Variants in FHIT observed in about 807,000 individuals in gnomAD.
FHIT encodes the protein fragile histidine triad diadenosine triphosphatase.
A neutral mutation model predicts 17.9 loss-of-function variants in FHIT; 19 were observed. The ratio of observed to expected loss-of-function variants is 1.06; its 90% CI spans 0.74 to 1.56. The LOEUF (loss-of-function observed/expected upper bound fraction) is 1.56, where lower values mean the gene tolerates loss of function less well. Ranked by LOEUF, FHIT falls within the 40% of genes most tolerant of loss-of-function variation. The probability of loss-of-function intolerance (pLI) is 0.00; values close to 1 mark genes in which losing one functional copy is unlikely to be tolerated. For synonymous variants in FHIT, 81 were observed against 69.7 expected, an observed-to-expected ratio of 1.16 and a Z score of -0.81; for missense variants, 248 against 189.2, an observed-to-expected ratio of 1.31 and a Z score of -1.82.
intron 4 of FHIT, among the ~76,000 whole-genome samples, chr3:60,600,217 C>T (rs1208116939): frequency 6.6e-6 from 1 of 152,102 alleles, no homozygotes; most frequent in East Asian, 1.9e-4. Context: ...TTCTCTGGGA[C>T]TTGTTCTTTA....
At chr3:60,189,578 T>G (rs1702309727) in intron 5 of FHIT, among the ~76,000 whole-genome samples, 1 of 152,206 alleles carries the variant, frequency 6.6e-6, no homozygotes, top group African/African-American at 2.4e-5. Context: ...TTCCCTGCAT[T>G]TGCTATATTT....
intron 2 of FHIT, among the ~76,000 whole-genome samples, chr3:61,079,340 T>C (rs1376536334): frequency 6.6e-6 from 1 of 152,126 alleles, no homozygotes; most frequent in Non-Finnish European, 1.5e-5. Context: ...CATCTTCACT[T>C]TGAGGACACT....
intron 4 of FHIT, among the ~76,000 whole-genome samples, chr3:60,769,820 C>G (rs1466736320): frequency 6.6e-6 from 1 of 152,172 alleles, no homozygotes; most frequent in Non-Finnish European, 1.5e-5. Context: ...GTCTGTTAAG[C>G]TAGGTTACAG....
chr3:59,922,261 A>T (rs1412388909), intron 8 of FHIT, 85 bp downstream of exon 8: 18 of 1,136,944 alleles, frequency 1.6e-5, no homozygotes, highest in Non-Finnish European at 2.3e-5. Context: ...GACCATATCT[A>T]GGGTAATACT....
intron 5 of FHIT, among the ~76,000 whole-genome samples, chr3:60,431,415 G>A (rs1238856104): frequency 1.3e-5 from 2 of 151,968 alleles, no homozygotes; most frequent in Non-Finnish European, 2.9e-5. Flanking sequence ...CTTATCCGTA[G>A]AATCAATTCA....
chr3:61,034,297 C>A (rs1260636979), intron 3 of FHIT, among the ~76,000 whole-genome samples: 1 of 151,928 alleles, frequency 6.6e-6, no homozygotes, highest in Non-Finnish European at 1.5e-5. Context: ...CTTGGTACAT[C>A]AAAGACATTA....
At chr3:60,167,848 C>G (rs777792169) in intron 5 of FHIT, among the ~76,000 whole-genome samples, 1 of 152,094 alleles carries the variant, frequency 6.6e-6, no homozygotes, top group African/African-American at 2.4e-5. Context: ...CTGGGCATCA[C>G]AGTGAGACCT....
chr3:60,839,633 C>T (rs1553744545), intron 3 of FHIT, among the ~76,000 whole-genome samples: 1 of 152,126 alleles, frequency 6.6e-6, no homozygotes, highest in Non-Finnish European at 1.5e-5. Context: ...AGTTCACATT[C>T]GATGCCCCAG....
intron 3 of FHIT, among the ~76,000 whole-genome samples, chr3:60,928,435 G>C (rs1707769891): frequency 6.6e-6 from 1 of 151,136 alleles, no homozygotes; most frequent in African/African-American, 2.4e-5. Flanking sequence ...TGGGGTCCCA[G>C]CTACTCAGGA....
intron 5 of FHIT, among the ~76,000 whole-genome samples, chr3:60,487,150 C>G (rs1447972): frequency 0.68 from 102,861 of 152,090 alleles, 36,190 homozygotes; most frequent in Non-Finnish European, 0.79. Flanking sequence ...ATCGCAAGAA[C>G]CTGGCTAGTA....
intron 5 of FHIT, among the ~76,000 whole-genome samples, chr3:60,506,418 C>T (rs1344582428): frequency 2.0e-5 from 3 of 152,118 alleles, no homozygotes; most frequent in Non-Finnish European, 2.9e-5. Flanking sequence ...GGCAAATCCA[C>T]GGTTTTAGAG....
chr3:60,466,558 G>A (rs2032805663), intron 5 of FHIT, among the ~76,000 whole-genome samples: 1 of 151,936 alleles, frequency 6.6e-6, no homozygotes, highest in Admixed American at 6.6e-5. Flanking sequence ...TCTATACACA[G>A]TTTCTGTGGG....
intron 5 of FHIT, among the ~76,000 whole-genome samples, chr3:60,311,482 TGGC>T (rs1708943948): frequency 2.6e-5 from 4 of 152,208 alleles, no homozygotes; most frequent in African/African-American, 9.6e-5. Flanking sequence ...CTTCACTATA[TGGC>T]TACTGTGTTT....
At chr3:60,108,453 C>T (rs187545979) in intron 5 of FHIT, among the ~76,000 whole-genome samples, 53 of 152,110 alleles carry the variant, frequency 3.5e-4, no homozygotes, top group African/African-American at 1.2e-3. Flanking sequence ...TTATTTCATG[C>T]CTATCTAGTA....
intron 8 of FHIT, among the ~76,000 whole-genome samples, chr3:59,834,977 GT>G (rs1237885396): frequency 1.3e-5 from 2 of 152,010 alleles, no homozygotes; most frequent in Non-Finnish European, 2.9e-5. Flanking sequence ...TAATTTTCTT[GT>G]TGTTGTTTTT....
chr3:60,311,129 C>T (rs1357235150), intron 5 of FHIT, among the ~76,000 whole-genome samples: 1 of 152,074 alleles, frequency 6.6e-6, no homozygotes, highest in East Asian at 1.9e-4. Context: ...ATATAAAATC[C>T]AGTATAGGAT....
chr3:60,432,940 CACTT>C (rs762776515), intron 5 of FHIT, among the ~76,000 whole-genome samples: 15 of 149,066 alleles, frequency 1.0e-4, no homozygotes, highest in Admixed American at 2.0e-4. Flanking sequence ...ACTGTGATAA[CACTT>C]AAGATACATA....
chr3:60,159,421 G>A (rs1273891848), intron 5 of FHIT, among the ~76,000 whole-genome samples: 3 of 152,072 alleles, frequency 2.0e-5, no homozygotes, highest in Non-Finnish European at 2.9e-5. Context: ...ATGCCCAGCC[G>A]ATGTGTGTTT....
At chr3:60,373,271 G>A (rs1040099371) in intron 5 of FHIT, among the ~76,000 whole-genome samples, 3 of 152,182 alleles carry the variant, frequency 2.0e-5, no homozygotes, top group African/African-American at 7.2e-5. Context: ...GGCTGGGTAA[G>A]GATAGGGTCA....
Sources: allele counts gnomAD v4.1 joint callset (sites outside exome capture counted in the v4.1 genomes callset), GRCh38; gene constraint gnomAD v4.1.1; transcripts MANE v1.5; gene names NCBI Gene and HGNC (gene_info 2026-07-23, HGNC 2026-07-21).